The following IQCM variants were observed in gnomAD, a reference collection of about 807,000 sequenced individuals.
IQCM encodes IQ domain-containing protein M.
In IQCM, 45 loss-of-function variants were observed where a neutral mutation model predicts 57.6. The ratio of observed to expected loss-of-function variants is 0.78; its 90% CI spans 0.62 to 1.00. The LOEUF (loss-of-function observed/expected upper bound fraction) is 1.00, where lower values mean the gene tolerates loss of function less well. IQCM is among the 50% of genes least tolerant of loss of function. The pLI is 0.00. For missense variants in IQCM, 468 were observed against 511.6 expected (o/e 0.91, Z 0.82); for synonymous variants, 148 against 158.9 (o/e 0.93, Z 0.51).
At chr4:149,379,575 T>A (rs940905735) in intron 13 of IQCM, among the ~76,000 whole-genome samples, 1 of 152,204 alleles carries the variant, frequency 6.6e-6, no homozygotes, top group Non-Finnish European at 1.5e-5. Context: ...CTTTGGCCAA[T>A]TTCTTCCATT....
At chr4:149,516,432 C>G (rs1212595443) in intron 12 of IQCM, among the ~76,000 whole-genome samples, 1 of 152,180 alleles carries the variant, frequency 6.6e-6, no homozygotes, top group Non-Finnish European at 1.5e-5. Context: ...GCAGTGGGCT[C>G]ATGCTCATGG....
At chr4:149,502,173 T>C (rs530815116) in intron 12 of IQCM, among the ~76,000 whole-genome samples, 18 of 150,084 alleles carry the variant, frequency 1.2e-4, no homozygotes, top group East Asian at 9.8e-4. Context: ...CACACACACA[T>C]ATATATGTAT....
intron 7 of IQCM, among the ~76,000 whole-genome samples, chr4:149,669,281 T>C (rs958255856): frequency 6.6e-6 from 1 of 152,188 alleles, no homozygotes; most frequent in Non-Finnish European, 1.5e-5. Flanking sequence ...ATGTCCTCTT[T>C]CGAGAAGTGT....
intron 12 of IQCM, among the ~76,000 whole-genome samples, chr4:149,511,680 T>C (rs1744440401): frequency 1.3e-5 from 2 of 152,170 alleles, no homozygotes; most frequent in African/African-American, 2.4e-5. Flanking sequence ...ACCTTATTAT[T>C]GTGTGTTATA....
At chr4:149,418,157 A>T (rs1026593316) in intron 13 of IQCM, among the ~76,000 whole-genome samples, 2 of 124,364 alleles carry the variant, frequency 1.6e-5, no homozygotes, top group Non-Finnish European at 3.4e-5. Context: ...AAATCAATGA[A>T]TCCAGGTTAT....
At chr4:149,357,830 G>C (rs139019558) in intron 13 of IQCM, among the ~76,000 whole-genome samples, 45 of 152,166 alleles carry the variant, frequency 3.0e-4, no homozygotes, top group South Asian at 1.0e-3. Context: ...GTACCAGCTC[G>C]TCCTTGTACC....
intron 2 of IQCM, among the ~76,000 whole-genome samples, chr4:149,777,193 T>C (rs1771171722): frequency 6.6e-6 from 1 of 152,224 alleles, no homozygotes; most frequent in African/African-American, 2.4e-5. Flanking sequence ...TGTCTGAAAT[T>C]CTGCACCTCA....
chr4:149,433,381 G>T lies in IQCM; in HGVS notation c.1390+15C>A, dbSNP rs1735049747. ...ACTTCTTCTTTACAATAAAAAATAA[G>T]GTTCAATATCTTACCTATATATCTA... On this transcript the variant is annotated intron_variant, in intron 13 of 13. Transcript: ENST00000636793. 9.6e-6 allele frequency: 11 copies of T among 1,140,032 alleles called. No homozygotes were observed. The highest frequency in any genetic ancestry group is 1.2e-5 in the Non-Finnish European group (11 of 905,056). 70.6% of individuals were successfully genotyped at this position (1,140,032 alleles called of 1,614,324 possible). A position where few individuals can be genotyped will look rare whatever the true frequency, so the allele number is the denominator to read the frequency against.
chr4:149,701,749 A>G (rs1231316157), intron 5 of IQCM, among the ~76,000 whole-genome samples: 1 of 152,014 alleles, frequency 6.6e-6, no homozygotes, highest in Non-Finnish European at 1.5e-5. Flanking sequence ...AAATGGTTAG[A>G]GTCAGATGGG....
At chr4:149,419,714 G>A (rs909726732) in intron 13 of IQCM, among the ~76,000 whole-genome samples, 1 of 151,910 alleles carries the variant, frequency 6.6e-6, no homozygotes, top group African/African-American at 2.4e-5. Context: ...AACCTACAAA[G>A]TGGGTGAAAA....
At chr4:149,571,868 A>T (rs1751195149) in intron 9 of IQCM, among the ~76,000 whole-genome samples, 1 of 152,234 alleles carries the variant, frequency 6.6e-6, no homozygotes, top group South Asian at 2.1e-4. Flanking sequence ...CAAGATAGGG[A>T]TGAGAAAGCA....
intron 8 of IQCM, among the ~76,000 whole-genome samples, chr4:149,593,782 C>T (rs1458472318): frequency 6.6e-6 from 1 of 152,066 alleles, no homozygotes; most frequent in African/African-American, 2.4e-5. Flanking sequence ...TATGTTGAAC[C>T]AGCCTTGCAT....
At chr4:149,423,931 T>A (rs559485340) in intron 13 of IQCM, among the ~76,000 whole-genome samples, 1 of 151,974 alleles carries the variant, frequency 6.6e-6, no homozygotes, top group African/African-American at 2.4e-5. Context: ...TACAGCCATA[T>A]GTTATGGCAA....
Position 149,433,422 on chromosome 4 carries a change from T to C in IQCM, c.1364A>G (p.Asn455Ser). ...TATATATCTATAACCTTCTTCCCCA[T>C]TTACTATGGGTCTCAACCAAGTCGA... ...LKSTWLRPIV[N>S]GEEGYRYIVN... is the part of the protein sequence containing the mutation. Residue 455 changes from asparagine to serine, a missense_variant, in exon 13 of 14, where the codon AAT becomes AGT. Transcript: ENST00000636793. 2 of 1,225,844 alleles carry C rather than the reference T, an allele frequency of 1.6e-6. No homozygotes were observed. Among genetic ancestry groups the C allele is most frequent in the Non-Finnish European group, 1.0e-6 (1 of 982,644 alleles). The allele number at this position is 1,225,844 out of a possible 1,614,324, so 75.9% of individuals were successfully genotyped here. A position where few individuals can be genotyped will look rare whatever the true frequency, so the allele number is the denominator to read the frequency against.
At chr4:149,720,384 T>G (rs938829741) in intron 5 of IQCM, among the ~76,000 whole-genome samples, 5 of 152,246 alleles carry the variant, frequency 3.3e-5, no homozygotes, top group Admixed American at 1.3e-4. Flanking sequence ...TATTAATTCA[T>G]ATTTAAGATG....
At chr4:149,772,306 A>G (rs1169838350) in intron 2 of IQCM, among the ~76,000 whole-genome samples, 2 of 152,192 alleles carry the variant, frequency 1.3e-5, no homozygotes, top group Non-Finnish European at 2.9e-5. Context: ...TGTTCAATTA[A>G]TAAGAAATGC....
chr4:149,352,590 A>G (rs1357026670), intron 13 of IQCM, among the ~76,000 whole-genome samples: 8 of 152,192 alleles, frequency 5.3e-5, no homozygotes, highest in Non-Finnish European at 1.2e-4. Flanking sequence ...GGACTTAAGC[A>G]TCTGTGGATT....
chr4:149,552,186 T>G (rs976946992), intron 11 of IQCM, among the ~76,000 whole-genome samples: 1 of 152,326 alleles, frequency 6.6e-6, no homozygotes, highest in African/African-American at 2.4e-5. Context: ...AAAACTATCA[T>G]TTTAACAAAT....
intron 5 of IQCM, among the ~76,000 whole-genome samples, chr4:149,707,856 A>AAT (rs2149825128): frequency 6.6e-6 from 1 of 152,132 alleles, no homozygotes; most frequent in Admixed American, 6.5e-5. Flanking sequence ...AGGCTTAGTA[A>AAT]ATGTATGATT....
Sources: gnomAD v4.1 joint callset for allele counts (sites outside exome capture counted in the v4.1 genomes callset) on GRCh38, gnomAD v4.1.1 for gene constraint, MANE v1.5 for transcripts, NCBI Gene and HGNC (gene_info 2026-07-23, HGNC 2026-07-21) for gene names.